GOLPH3: variants seen among roughly 807,000 people sequenced by gnomAD.
The protein encoded by GOLPH3 is golgi phosphoprotein 3.
GOLPH3 carries 14 observed loss-of-function variants against 28.5 expected under a neutral mutation model. The observed-to-expected ratio is 0.49, with a 90% CI of 0.32 to 0.77. The LOEUF is 0.77. Ranked by LOEUF, GOLPH3 falls within the 30% of genes least tolerant of loss-of-function variation. The probability of loss-of-function intolerance (pLI) is 0.03; values close to 1 mark genes in which losing one functional copy is unlikely to be tolerated. For synonymous variants in GOLPH3, 158 were observed against 159.2 expected, an observed-to-expected ratio of 0.99 and a Z score of 0.06; for missense variants, 350 against 393.7, an observed-to-expected ratio of 0.89 and a Z score of 0.94.
At chr5:32,168,252 T>C (rs1023864374) in intron 1 of GOLPH3, among the ~76,000 whole-genome samples, 2 of 152,230 alleles carry the variant, frequency 1.3e-5, no homozygotes, top group African/African-American at 4.8e-5. Flanking sequence ...ACCACACGTA[T>C]AGAAAGGAAA....
intron 1 of GOLPH3, among the ~76,000 whole-genome samples, chr5:32,148,896 A>G (rs1162499278): frequency 6.6e-6 from 1 of 152,046 alleles, no homozygotes; most frequent in Non-Finnish European, 1.5e-5. Context: ...AACTGCTTGA[A>G]CCTGGGAGGC....
At chr5:32,165,053 C>A (rs1746680294) in intron 1 of GOLPH3, among the ~76,000 whole-genome samples, 1 of 151,722 alleles carries the variant, frequency 6.6e-6, no homozygotes. Flanking sequence ...GTGCATACCA[C>A]CCTGCCTGGC....
At chr5:32,154,769 T>C (rs565803934) in intron 1 of GOLPH3, among the ~76,000 whole-genome samples, 3 of 152,264 alleles carry the variant, frequency 2.0e-5, no homozygotes, top group Admixed American at 2.0e-4. Flanking sequence ...GCAATGAACA[T>C]GAAAACACAT....
At chr5:32,136,355 C>T (rs1475726428) in intron 2 of GOLPH3, among the ~76,000 whole-genome samples, 1 of 151,700 alleles carries the variant, frequency 6.6e-6, no homozygotes, top group African/African-American at 2.4e-5. Flanking sequence ...GTGGCAGGTG[C>T]CTGTAATCCC....
At chr5:32,149,645 TA>T (rs1746261475) in intron 1 of GOLPH3, among the ~76,000 whole-genome samples, 1 of 152,158 alleles carries the variant, frequency 6.6e-6, no homozygotes. Context: ...TGACTTCAGG[TA>T]AAAGCAGATT....
rs1745662266 is a variant in GOLPH3 at position 32,125,750 on chromosome 5, T to C, written c.*462A>G. 6.4e-6 allele frequency: 1 copy of C among 155,156 alleles called. No homozygotes were observed. The highest frequency in any genetic ancestry group is 2.0e-4 in the South Asian group (1 of 4,930). 9.6% of individuals were successfully genotyped at this position (155,156 alleles called of 1,614,324 possible). On this transcript the variant is annotated 3_prime_UTR_variant, in exon 4 of 4. Transcript: ENST00000265070. ...AATTTTGCTAAGTATACATCTCAAC[T>C]GAAGTCTATGTAAAAAATGTCCTAA...
chr5:32,174,179 A>C lies in GOLPH3; in HGVS notation c.-145T>G. On this transcript the variant is annotated 5_prime_UTR_variant, in exon 1 of 4. Transcript: ENST00000265070. Reference sequence around the variant, plus strand: ...GTCCGTCGGCAGCAGGGCCGGGGGCAGTCATGAGGAAACAGGTCAGGGCGA... The same window carrying C: ...GTCCGTCGGCAGCAGGGCCGGGGGCCGTCATGAGGAAACAGGTCAGGGCGA... 1 of 456,416 alleles carries C rather than the reference A, an allele frequency of 2.2e-6. No individual in the cohort carries two copies. Among genetic ancestry groups the C allele is most frequent in the Non-Finnish European group, 3.5e-6 (1 of 283,242 alleles). 28.3% of individuals were successfully genotyped at this position (456,416 alleles called of 1,614,324 possible).
At chr5:32,155,956 CAAAAAAAAAAAAAAAAA>C (rs70961608) in intron 1 of GOLPH3, among the ~76,000 whole-genome samples, 932 of 47,794 alleles carry the variant, frequency 0.02, 14 homozygotes, top group Middle Eastern at 0.04. Flanking sequence ...AACACTGTCT[CAAAAAAAAAAAAAAAAA>C]AAAAAAAAAA....
rs533081108 is a variant in GOLPH3 at position 32,173,410 on chromosome 5, C to T, written c.225+400G>A. ...TCCCAGGTCCTAAAGCCTGCAAAAACCCAAAGAGTTCGTGGCGCTGGTGGC... is the reference window on the plus strand; with the variant it reads ...TCCCAGGTCCTAAAGCCTGCAAAAATCCAAAGAGTTCGTGGCGCTGGTGGC... On this transcript the variant is annotated intron_variant, in intron 1 of 3. Transcript: ENST00000265070. Among the ~76,000 whole-genome samples, 97 of 152,028 alleles carry T rather than the reference C, an allele frequency of 6.4e-4. 2 individuals are homozygous for T. The South Asian group carries it at 0.02, about 31-fold the overall frequency.
chr5:32,140,966 C>T (rs2111851965), intron 2 of GOLPH3, among the ~76,000 whole-genome samples: 1 of 152,148 alleles, frequency 6.6e-6, no homozygotes, highest in Non-Finnish European at 1.5e-5. Context: ...AGTTCGAGAG[C>T]AGCCCAGGCA....
intron 1 of GOLPH3, among the ~76,000 whole-genome samples, chr5:32,148,234 T>C (rs1291101226): frequency 2.0e-5 from 3 of 152,188 alleles, no homozygotes; most frequent in Admixed American, 6.6e-5. Flanking sequence ...TTCTATATAT[T>C]ACTTCCATCT....
intron 1 of GOLPH3, among the ~76,000 whole-genome samples, chr5:32,158,127 TAAAATACACACAC>T (rs1561679238): frequency 0.012 from 388 of 31,712 alleles, 23 homozygotes; most frequent in East Asian, 0.096. Context: ...AATAAATAAA[TAAAATACACACAC>T]ACACACACAC....
intron 1 of GOLPH3, among the ~76,000 whole-genome samples, chr5:32,153,555 G>A (rs1484572863): frequency 6.6e-6 from 1 of 152,042 alleles, no homozygotes; most frequent in Non-Finnish European, 1.5e-5. Flanking sequence ...CAAAGAAATT[G>A]TAAGCCAAAC....
rs1476645397 is a variant in GOLPH3 at position 32,126,588 on chromosome 5, C to G, written c.521G>C (p.Arg174Pro). The G allele has an allele frequency of 6.2e-7, 1 of 1,613,932 alleles. No homozygotes were observed. The change falls in exon 4 of 4, where the codon CGG becomes CCG. Residue 174 changes from arginine (R) to proline (P), a missense_variant. By Grantham distance (103) the Arg-to-Pro change is moderately radical (BLOSUM62 -2). Coordinates refer to ENST00000265070, the MANE Select transcript of GOLPH3 (RefSeq NM_022130.4). The part of the protein sequence containing the change: ...LKLHYQLRNV[R>P]ERLAKNLVEK... ...CACCAGGTTTTTAGCTAATCGTTCC[C>G]GTACATTTCTTAACTGATAATGCAA...
chr5:32,146,410 G>C (rs59905268), intron 1 of GOLPH3, among the ~76,000 whole-genome samples: 7 of 152,118 alleles, frequency 4.6e-5, no homozygotes, highest in African/African-American at 1.2e-4. Flanking sequence ...AGAGGACAGA[G>C]ACACCCCAAG....
Position 32,150,145 on chromosome 5 carries a change from C to T in GOLPH3, c.226-6265G>A, listed in dbSNP as rs182834922. Among the ~76,000 whole-genome samples, 15 of 152,034 alleles carry T rather than the reference C, an allele frequency of 9.9e-5. 2 individuals carry two copies. The South Asian group carries it at 2.1e-3, about 21-fold the overall frequency. On this transcript the variant is annotated intron_variant, in intron 1 of 3. Transcript: ENST00000265070. ...CCAGTTGTCATATACAAACAAAATA[C>T]ACATGTTAAAATACTAAAAAGTTAA...
At chr5:32,138,381 T>C (rs1745983179) in intron 2 of GOLPH3, among the ~76,000 whole-genome samples, 1 of 152,194 alleles carries the variant, frequency 6.6e-6, no homozygotes, top group South Asian at 2.1e-4. Flanking sequence ...TTCTTCAATT[T>C]TATTTTATTT....
At chr5:32,145,317 T>C (rs1746163153) in intron 1 of GOLPH3, among the ~76,000 whole-genome samples, 1 of 152,150 alleles carries the variant, frequency 6.6e-6, no homozygotes, top group African/African-American at 2.4e-5. Context: ...ACTGACTGGA[T>C]TTTAGGGAGT....
Position 32,143,853 on chromosome 5 carries a change from T to A in GOLPH3, c.253A>T (p.Ile85Leu). The A allele has an allele frequency of 6.3e-7, 1 of 1,581,708 alleles. No individual in the cohort carries two copies. Among genetic ancestry groups the A allele is most frequent in the Admixed American group, 1.9e-5 (1 of 52,512 alleles). Residue 85 changes from isoleucine (I) to leucine (L), a missense_variant, in exon 2 of 4, where the codon ATA (isoleucine) becomes TTA (leucine). Coordinates refer to ENST00000265070, the MANE Select transcript of GOLPH3 (RefSeq NM_022130.4). ...ATACAGCCACGTAATCCAGATGATA[T>A]ACAGTCATTCCAAAATGATGTGTAA... Reference protein sequence around the residue: ...EGYTSFWNDCISSGLRGCMLI... With the variant: ...EGYTSFWNDCLSSGLRGCMLI...
Sources: gnomAD v4.1 joint callset for allele counts (sites outside exome capture counted in the v4.1 genomes callset) on GRCh38, gnomAD v4.1.1 for gene constraint, MANE v1.5 for transcripts, NCBI Gene and HGNC (gene_info 2026-07-23, HGNC 2026-07-21) for gene names.